Variants in PAN3 observed in about 807,000 individuals in gnomAD.
The protein encoded by PAN3 is poly(A) specific ribonuclease subunit PAN3.
PAN3 carries 19 observed loss-of-function variants against 96.2 expected under a neutral mutation model. That is an observed-to-expected ratio of 0.20 (90% confidence interval 0.14 to 0.29). The LOEUF (loss-of-function observed/expected upper bound fraction) is 0.29, where lower values mean the gene tolerates loss of function less well. Among genes scored for constraint, PAN3 ranks in the 10% least tolerant of loss-of-function variants. The probability of loss-of-function intolerance (pLI) is 1.00; values close to 1 mark genes in which losing one functional copy is unlikely to be tolerated. For missense variants in PAN3, 882 were observed against 1,108.1 expected (o/e 0.80, Z 2.90); for synonymous variants, 433 against 406.6 (o/e 1.06, Z -0.78).
rs747995430 is a variant in PAN3, at chr13:28,152,582, G to GA, written c.430+13504dup. Among the ~76,000 whole-genome samples the GA allele has an allele frequency of 4.1e-3, 606 of 148,188 alleles. 3 individuals are homozygous for GA. Among genetic ancestry groups the GA allele is most frequent in the Non-Finnish European group, 6.4e-3 (427 of 66,914 alleles). The stretch of plus-strand genomic sequence containing the variant: ...TTGGGCAACAAGAGTGAAACTCCAT[G>GA]AAAAAAAAACCAAAAAACAAAAAAA... On this transcript the variant is annotated intron_variant, in intron 1 of 18. Coordinates refer to ENST00000380958, the MANE Select transcript of PAN3 (RefSeq NM_175854.8).
chr13:28,187,702 A>G (rs1468611637), intron 4 of PAN3, among the ~76,000 whole-genome samples: 1 of 152,164 alleles, frequency 6.6e-6, no homozygotes, highest in East Asian at 1.9e-4. Context: ...TGTGTTTGAT[A>G]TAATTTATTT....
At chr13:28,203,291 C>T (rs1965546734) in intron 5 of PAN3, among the ~76,000 whole-genome samples, 1 of 148,458 alleles carries the variant, frequency 6.7e-6, no homozygotes, top group South Asian at 2.1e-4. Flanking sequence ...TATTTTAAGA[C>T]TTTTCTATAT....
At chr13:28,138,394 C>G (rs951764736), upstream of PAN3, 17 of 215,840 alleles carry the variant, frequency 7.9e-5, no homozygotes, top group African/African-American at 3.0e-4. Context: ...ACCCCGTCGT[C>G]CCGCGCGGCC....
At chr13:28,163,811 C>T (rs936370453) in intron 1 of PAN3, among the ~76,000 whole-genome samples, 6 of 152,176 alleles carry the variant, frequency 3.9e-5, no homozygotes, top group Admixed American at 6.5e-5. Flanking sequence ...TATTACTTTA[C>T]GCCATGATCT....
At chr13:28,270,971 C>A in intron 13 of PAN3, 105 bp downstream of exon 13, 1 of 1,122,530 alleles carries the variant, frequency 8.9e-7, no homozygotes, top group Non-Finnish European at 1.3e-6. Flanking sequence ...TATATTCCAT[C>A]CAGAAGAACT....
At chr13:28,231,064 T>A (rs1196255421) in intron 6 of PAN3, among the ~76,000 whole-genome samples, 1 of 152,230 alleles carries the variant, frequency 6.6e-6, no homozygotes, top group African/African-American at 2.4e-5. Flanking sequence ...GTTACTGTTT[T>A]GTTTCTTCAA....
chr13:28,207,771 G>A (rs1254087383), intron 5 of PAN3, among the ~76,000 whole-genome samples: 4 of 152,114 alleles, frequency 2.6e-5, no homozygotes, highest in Non-Finnish European at 4.4e-5. Context: ...TACTGATCAT[G>A]GCACATTGTA....
At chr13:28,228,333 T>C (rs558358346) in intron 6 of PAN3, among the ~76,000 whole-genome samples, 15 of 152,294 alleles carry the variant, frequency 9.8e-5, no homozygotes, top group African/African-American at 2.6e-4. Context: ...GAGTAGGGCA[T>C]GTAGGTAGGG....
At chr13:28,200,786 C>A (rs1341854800) in intron 5 of PAN3, among the ~76,000 whole-genome samples, 1 of 152,130 alleles carries the variant, frequency 6.6e-6, no homozygotes, top group Non-Finnish European at 1.5e-5. Flanking sequence ...ATTGATAAGA[C>A]CCATCTGATC....
Position 28,171,720 on chromosome 13 carries a change from A to C in PAN3, c.431-2552A>C, listed in dbSNP as rs185884140. 3.3e-3 allele frequency among the ~76,000 whole-genome samples: 510 copies of C among 152,272 alleles called. 6 individuals are homozygous for C. The highest frequency in any genetic ancestry group is 0.02 in the Middle Eastern group (6 of 294). On this transcript the variant is annotated intron_variant, in intron 1 of 18. Transcript: ENST00000380958. ...CTCATAAATGTGTTCACCGGCCCACAAACTCCTTGAACCCCACAGTTAAGG... is the reference window on the plus strand; with the variant it reads ...CTCATAAATGTGTTCACCGGCCCACCAACTCCTTGAACCCCACAGTTAAGG...
intron 4 of PAN3, among the ~76,000 whole-genome samples, chr13:28,195,505 G>T (rs2138222273): frequency 6.6e-6 from 1 of 151,268 alleles, no homozygotes; most frequent in Admixed American, 6.6e-5. Flanking sequence ...TTTTGTCCTT[G>T]TTTTTTTTTG....
At chr13:28,228,108 A>G (rs994143119) in intron 6 of PAN3, among the ~76,000 whole-genome samples, 1 of 152,222 alleles carries the variant, frequency 6.6e-6, no homozygotes, top group Non-Finnish European at 1.5e-5. Flanking sequence ...ACCCAGAGCA[A>G]TGTGCCTACT....
chr13:28,172,380 CA>C (rs1433288487), intron 1 of PAN3, among the ~76,000 whole-genome samples: 2 of 152,110 alleles, frequency 1.3e-5, no homozygotes, highest in African/African-American at 2.4e-5. Context: ...GGTGTGAACC[CA>C]GGGGGCGAAG....
chr13:28,161,538 G>T (rs1401149351), intron 1 of PAN3, among the ~76,000 whole-genome samples: 2 of 152,118 alleles, frequency 1.3e-5, no homozygotes, highest in Admixed American at 1.3e-4. Context: ...TTCAAATGAG[G>T]TCACATTCCA....
chr13:28,241,409 G>A (rs1370190749), intron 6 of PAN3, among the ~76,000 whole-genome samples: 2 of 152,100 alleles, frequency 1.3e-5, no homozygotes, highest in Non-Finnish European at 1.5e-5. Flanking sequence ...AACTTTAATT[G>A]CAATAGTAAT....
intron 1 of PAN3, among the ~76,000 whole-genome samples, chr13:28,143,705 A>T (rs1281654959): frequency 6.6e-6 from 1 of 152,196 alleles, no homozygotes; most frequent in East Asian, 1.9e-4. Flanking sequence ...TTAAATATTA[A>T]TAATCTATAG....
At chr13:28,143,723 CTG>C (rs2137920709) in intron 1 of PAN3, among the ~76,000 whole-genome samples, 1 of 152,288 alleles carries the variant, frequency 6.6e-6, no homozygotes, top group East Asian at 1.9e-4. Context: ...TAGTTAACCT[CTG>C]TATTTCCTTC....
At chr13:28,201,346 A>G (rs531916741) in intron 5 of PAN3, among the ~76,000 whole-genome samples, 1 of 151,876 alleles carries the variant, frequency 6.6e-6, no homozygotes, top group Admixed American at 6.6e-5. Flanking sequence ...ACTGGCCATG[A>G]AATTTCTTTC....
At chr13:28,288,880 G>T (rs1438819154) in intron 18 of PAN3, among the ~76,000 whole-genome samples, 3 of 144,986 alleles carry the variant, frequency 2.1e-5, no homozygotes, top group Non-Finnish European at 4.5e-5. Context: ...AGGCTGGAGT[G>T]CAGTGGCGCC....
Sources: gnomAD v4.1 joint callset for allele counts (sites outside exome capture counted in the v4.1 genomes callset) on GRCh38, gnomAD v4.1.1 for gene constraint, MANE v1.5 for transcripts, NCBI Gene and HGNC (gene_info 2026-07-23, HGNC 2026-07-21) for gene names.